The following CMPK1 variants were observed in gnomAD, a reference collection of about 807,000 sequenced individuals.
CMPK1 encodes the protein UMP-CMP kinase.
CMPK1 carries 10 observed loss-of-function variants against 25.7 expected under a neutral mutation model. The observed-to-expected ratio is 0.39, with a 90% CI of 0.24 to 0.66. The LOEUF (loss-of-function observed/expected upper bound fraction) is 0.66. CMPK1 is among the 30% of genes least tolerant of loss of function. CMPK1 has a pLI of 0.48. For synonymous variants in CMPK1, 106 were observed against 101.5 expected (o/e 1.04, Z -0.27); for missense variants, 199 against 280.5 (o/e 0.71, Z 2.08).
chr1:47,346,428 C>T (rs9436883), intron 1 of CMPK1, among the ~76,000 whole-genome samples: 3,674 of 152,136 alleles, frequency 0.024, 144 homozygotes, highest in East Asian at 0.2. Flanking sequence ...GTTTCTCATA[C>T]GCTGGAATCA....
chr1:47,351,455 T>C (rs901290498), intron 1 of CMPK1, among the ~76,000 whole-genome samples: 4 of 152,228 alleles, frequency 2.6e-5, no homozygotes, highest in Non-Finnish European at 5.9e-5. Flanking sequence ...TTCCATTATA[T>C]GTATGCAGCA....
chr1:47,376,985 A>AT lies in CMPK1; in HGVS notation c.*248dup, dbSNP rs1163710076. 324 of 340,408 alleles carry AT rather than the reference A, an allele frequency of 9.5e-4. No homozygotes were observed. Among genetic ancestry groups the AT allele is most frequent in the South Asian group, 1.7e-3 (15 of 8,660 alleles). 21.1% of individuals were successfully genotyped at this position (340,408 alleles called of 1,614,324 possible). A position where few individuals can be genotyped will look rare whatever the true frequency, so the allele number is the denominator to read the frequency against. On this transcript the variant is annotated 3_prime_UTR_variant, in exon 6 of 6. Coordinates refer to ENST00000371873, the MANE Select transcript of CMPK1 (RefSeq NM_016308.3). ...GCTCACCAAACGAAGGGTATCAGCTATTTTTTTTAAAATTCAAAAAGAATA... is the reference window on the plus strand; with the variant it reads ...GCTCACCAAACGAAGGGTATCAGCTATTTTTTTTTAAAATTCAAAAAGAATA...
intron 1 of CMPK1, among the ~76,000 whole-genome samples, chr1:47,335,862 C>G (rs1468573270): frequency 6.6e-6 from 1 of 151,882 alleles, no homozygotes; most frequent in East Asian, 2.0e-4. Context: ...CTCCCAGGTT[C>G]AAGCGATTTT....
At chr1:47,343,093 T>G (rs1429961475) in intron 1 of CMPK1, among the ~76,000 whole-genome samples, 1 of 151,446 alleles carries the variant, frequency 6.6e-6, no homozygotes, top group African/African-American at 2.4e-5. Context: ...TTCAAGCAAT[T>G]CTTGTGCCTC....
At chr1:47,344,873 G>C (rs1646471197) in intron 1 of CMPK1, among the ~76,000 whole-genome samples, 1 of 151,540 alleles carries the variant, frequency 6.6e-6, no homozygotes, top group South Asian at 2.1e-4. Context: ...TTTAAGGGTG[G>C]GGACCCTGTC....
intron 1 of CMPK1, among the ~76,000 whole-genome samples, chr1:47,353,292 C>A (rs1427534267): frequency 1.3e-5 from 2 of 152,224 alleles, no homozygotes; most frequent in Non-Finnish European, 2.9e-5. Flanking sequence ...ATCCTCTCAA[C>A]TGAGTATGTC....
At chr1:47,357,928 G>A (rs1336416216) in intron 1 of CMPK1, among the ~76,000 whole-genome samples, 1 of 151,826 alleles carries the variant, frequency 6.6e-6, no homozygotes, top group Non-Finnish European at 1.5e-5. Context: ...GGAACTTGGG[G>A]CACGTTCAAA....
At chr1:47,352,052 GC>G (rs2149328568) in intron 1 of CMPK1, among the ~76,000 whole-genome samples, 1 of 152,246 alleles carries the variant, frequency 6.6e-6, no homozygotes, top group East Asian at 1.9e-4. Flanking sequence ...CAGGAGAATT[GC>G]TTGAACCCAG....
chr1:47,340,028 C>T (rs1349779905), intron 1 of CMPK1, among the ~76,000 whole-genome samples: 1 of 78,584 alleles, frequency 1.3e-5, no homozygotes, highest in African/African-American at 8.8e-5. Flanking sequence ...CTCCCCTCCC[C>T]TTCCCTTCCC....
intron 1 of CMPK1, among the ~76,000 whole-genome samples, chr1:47,353,475 T>G (rs541598499): frequency 6.6e-6 from 1 of 152,342 alleles, no homozygotes; most frequent in Non-Finnish European, 1.5e-5. Context: ...TGAATTGATT[T>G]TTGTATTTAG....
chr1:47,358,928 T>C (rs1477983846), intron 1 of CMPK1: 1 of 985,316 alleles, frequency 1.0e-6, no homozygotes, highest in Non-Finnish European at 1.2e-6. Flanking sequence ...ATGTTGCATT[T>C]TCAAGCAGTT....
chr1:47,355,671 A>G (rs962635311), intron 1 of CMPK1, among the ~76,000 whole-genome samples: 5 of 150,062 alleles, frequency 3.3e-5, no homozygotes, highest in Admixed American at 2.0e-4. Context: ...CAGTGGTGCA[A>G]TCTTGGCTCA....
intron 1 of CMPK1, among the ~76,000 whole-genome samples, chr1:47,341,364 G>T (rs1157404390): frequency 2.6e-5 from 4 of 151,764 alleles, no homozygotes; most frequent in Non-Finnish European, 5.9e-5. Context: ...GTGTTTTTTT[G>T]TTTGTTTGTT....
intron 1 of CMPK1, among the ~76,000 whole-genome samples, chr1:47,367,485 A>G (rs921661827): frequency 6.6e-6 from 1 of 152,204 alleles, no homozygotes; most frequent in Non-Finnish European, 1.5e-5. Context: ...AATACTCTTT[A>G]AAAAGGGGGT....
At chr1:47,339,866 C>T (rs1271330281) in intron 1 of CMPK1, among the ~76,000 whole-genome samples, 9 of 151,798 alleles carry the variant, frequency 5.9e-5, no homozygotes, top group African/African-American at 1.2e-4. Context: ...CACCACAACG[C>T]GTGGCTAATT....
In CMPK1 at chr1:47,356,509, G is replaced by A. The variant is rs1231419010; in HGVS notation, c.172-11960G>A. On this transcript the variant is annotated intron_variant, in intron 1 of 5. Transcript: ENST00000371873. ...CACTCACATTTACTCTTTCTGATAA[G>A]TTTGAGAGTCAACTTACCAAGTTTC... Among the ~76,000 whole-genome samples, 3 of 152,078 alleles carry A rather than the reference G, an allele frequency of 2.0e-5. 1 individual carries two copies. The highest frequency in any genetic ancestry group is 7.2e-5 in the African/African-American group (3 of 41,398).
intron 1 of CMPK1, among the ~76,000 whole-genome samples, chr1:47,336,423 A>G (rs1318605325): frequency 6.6e-6 from 1 of 152,202 alleles, no homozygotes; most frequent in Non-Finnish European, 1.5e-5. Flanking sequence ...ACAGAGACAG[A>G]TGCAGATAGT....
chr1:47,367,550 T>C lies in CMPK1; in HGVS notation c.172-919T>C, dbSNP rs374720763. Among the ~76,000 whole-genome samples, 119 of 152,332 alleles carry C rather than the reference T, an allele frequency of 7.8e-4. 4 individuals carry two copies. In the South Asian group the frequency reaches 0.024, roughly 30 times the overall value. ...ATCGAAGCTAAAGATAACATTTAAT[T>C]TATCACATATTTATTGTATACTTGG... On this transcript the variant is annotated intron_variant, in intron 1 of 5. Coordinates refer to ENST00000371873, the MANE Select transcript of CMPK1 (RefSeq NM_016308.3).
intron 1 of CMPK1, among the ~76,000 whole-genome samples, chr1:47,336,916 G>A (rs1276346187): frequency 4.6e-5 from 7 of 152,282 alleles, no homozygotes; most frequent in Non-Finnish European, 1.0e-4. Context: ...TGCTGTTTCT[G>A]AATCATAATA....
Sources: gnomAD v4.1 joint callset for allele counts (sites outside exome capture counted in the v4.1 genomes callset) on GRCh38, gnomAD v4.1.1 for gene constraint, MANE v1.5 for transcripts, NCBI Gene and HGNC (gene_info 2026-07-23, HGNC 2026-07-21) for gene names.